CSMD1: variants seen among roughly 807,000 people sequenced by gnomAD.
CSMD1 encodes the protein CUB and Sushi multiple domains 1.
Under a neutral mutation model 417.5 loss-of-function variants are expected in CSMD1, and 213 were observed. The observed-to-expected ratio is 0.51, with a 90% CI of 0.46 to 0.57. CSMD1 has a LOEUF of 0.57. CSMD1 is among the 20% of genes least tolerant of loss of function. The pLI is 0.00. For missense variants in CSMD1, 6,923 were observed against 4,529.7 expected (o/e 1.53, Z -15.17); for synonymous variants, 2,862 against 1,736.8 (o/e 1.65, Z -16.11).
At position 3,157,748 on chromosome 8, in the gene CSMD1, T is replaced by G. The variant is rs1383802881; in HGVS notation, c.5914+149A>C. 14 of 633,500 alleles carry G rather than the reference T, an allele frequency of 2.2e-5. No individual in the cohort carries two copies. In the Middle Eastern group the frequency reaches 1.0e-3, roughly 47 times the overall value. 39.2% of individuals were successfully genotyped at this position (633,500 alleles called of 1,614,324 possible). A position where few individuals can be genotyped will look rare whatever the true frequency, so the allele number is the denominator to read the frequency against. On this transcript the variant is annotated intron_variant, in intron 39 of 69. Coordinates refer to ENST00000635120, the MANE Select transcript of CSMD1 (RefSeq NM_033225.6). ...GGAAGGTGCAGGTTAAACGCATCATTCTGCTCTACTGCATTATGTGCTATT... is the reference window on the plus strand; with the variant it reads ...GGAAGGTGCAGGTTAAACGCATCATGCTGCTCTACTGCATTATGTGCTATT...
chr8:4,161,065 G>C (rs115312794), intron 3 of CSMD1, among the ~76,000 whole-genome samples: 1 of 151,854 alleles, frequency 6.6e-6, no homozygotes, highest in East Asian at 1.9e-4. Flanking sequence ...TCCCAGATTT[G>C]CAGGAAATGT....
chr8:3,984,650 C>T (rs1369452521), intron 5 of CSMD1, among the ~76,000 whole-genome samples: 1 of 139,290 alleles, frequency 7.2e-6, no homozygotes, highest in Non-Finnish European at 1.5e-5. Context: ...AGGCTTGTTA[C>T]TTGTGTTTTA....
chr8:3,329,142 G>C (rs758814339), intron 23 of CSMD1, among the ~76,000 whole-genome samples: 6 of 152,140 alleles, frequency 3.9e-5, no homozygotes, highest in Admixed American at 6.5e-5. Flanking sequence ...ATATGTAATT[G>C]AAGGAGAGAG....
chr8:4,549,699 G>A (rs1417057033), intron 2 of CSMD1, among the ~76,000 whole-genome samples: 4 of 151,540 alleles, frequency 2.6e-5, no homozygotes, highest in African/African-American at 9.7e-5. Flanking sequence ...GACCAGCCTG[G>A]GCAACATGGC....
chr8:4,388,207 G>C (rs541264079), intron 3 of CSMD1, among the ~76,000 whole-genome samples: 1 of 151,878 alleles, frequency 6.6e-6, no homozygotes, highest in Non-Finnish European at 1.5e-5. Context: ...ATACGAAAAA[G>C]ATATTTGCAC....
intron 1 of CSMD1, among the ~76,000 whole-genome samples, chr8:4,960,722 C>A (rs1340465699): frequency 2.0e-5 from 3 of 152,010 alleles, no homozygotes; most frequent in Non-Finnish European, 4.4e-5. Context: ...CGGTAGTTTC[C>A]TAAAAATAAA....
chr8:3,977,695 CTCTT>C (rs1369640154), intron 5 of CSMD1, among the ~76,000 whole-genome samples: 2 of 152,164 alleles, frequency 1.3e-5, no homozygotes, highest in Admixed American at 6.5e-5. Flanking sequence ...CACCAACTTT[CTCTT>C]TCTGTCATAG....
At chr8:3,954,623 A>G (rs953987058) in intron 5 of CSMD1, among the ~76,000 whole-genome samples, 1 of 152,156 alleles carries the variant, frequency 6.6e-6, no homozygotes, top group African/African-American at 2.4e-5. Context: ...TGGCCTCCCA[A>G]AGTTTTGGGA....
chr8:4,531,615 G>A (rs753813752), intron 2 of CSMD1, among the ~76,000 whole-genome samples: 1 of 152,060 alleles, frequency 6.6e-6, no homozygotes, highest in African/African-American at 2.4e-5. Flanking sequence ...TTCTGCGCTC[G>A]TCAGGCCCTC....
chr8:3,811,990 C>T (rs1006396251), intron 5 of CSMD1, among the ~76,000 whole-genome samples: 1 of 151,922 alleles, frequency 6.6e-6, no homozygotes, highest in African/African-American at 2.4e-5. Context: ...GAGATGCTTA[C>T]AACCTAATTC....
chr8:3,349,939 ATAT>A lies in CSMD1; in HGVS notation c.3305-1781_3305-1779del, dbSNP rs1321831750. 7.2e-3 allele frequency among the ~76,000 whole-genome samples: 1,036 copies of A among 144,648 alleles called. 13 individuals are homozygous for A. Among genetic ancestry groups the A allele is most frequent in the Non-Finnish European group, 9.7e-3 (645 of 66,754 alleles). The allele number at this position is 144,648 out of a possible 152,430, so 94.9% of individuals were successfully genotyped here. A position where few individuals can be genotyped will look rare whatever the true frequency, so the allele number is the denominator to read the frequency against. ...TTATATATTATATTATATATAATAT[ATAT>A]TATATGTGTATGTGTGTTATAATAC... On this transcript the variant is annotated intron_variant, in intron 21 of 69. Transcript: ENST00000635120.
chr8:4,481,806 T>G (rs1196357245), intron 2 of CSMD1, among the ~76,000 whole-genome samples: 1 of 152,176 alleles, frequency 6.6e-6, no homozygotes, highest in African/African-American at 2.4e-5. Flanking sequence ...TGGGATTAAC[T>G]TGTTTAATTT....
chr8:4,848,527 G>A (rs1423573125), intron 1 of CSMD1, among the ~76,000 whole-genome samples: 2 of 151,946 alleles, frequency 1.3e-5, no homozygotes, highest in South Asian at 2.1e-4. Flanking sequence ...ATAAAATGAT[G>A]TATAGTACAT....
At chr8:4,670,711 C>A (rs771779904) in intron 1 of CSMD1, among the ~76,000 whole-genome samples, 1 of 152,028 alleles carries the variant, frequency 6.6e-6, no homozygotes, top group Admixed American at 6.6e-5. Flanking sequence ...TCTCTTAAGG[C>A]AGACCAGAAA....
intron 3 of CSMD1, among the ~76,000 whole-genome samples, chr8:4,068,482 T>C (rs1037750511): frequency 1.3e-5 from 2 of 152,190 alleles, no homozygotes; most frequent in South Asian, 2.1e-4. Context: ...CCATAACACA[T>C]AGCATCATTA....
intron 7 of CSMD1, among the ~76,000 whole-genome samples, chr8:3,619,257 G>A (rs1219812928): frequency 2.6e-5 from 4 of 152,084 alleles, no homozygotes; most frequent in African/African-American, 4.8e-5. Context: ...CCCCAAAAAC[G>A]TGAAAACACC....
intron 3 of CSMD1, among the ~76,000 whole-genome samples, chr8:4,393,459 T>C (rs1286613378): frequency 1.3e-5 from 2 of 152,200 alleles, no homozygotes; most frequent in African/African-American, 2.4e-5. Flanking sequence ...GAATATCACA[T>C]GCATGATTAT....
At chr8:3,019,565 G>T (rs1809180011) in intron 51 of CSMD1, among the ~76,000 whole-genome samples, 1 of 152,154 alleles carries the variant, frequency 6.6e-6, no homozygotes, top group South Asian at 2.1e-4. Context: ...CTGTAAGAAT[G>T]CTGACTACAC....
At chr8:4,663,931 C>G (rs975681651) in intron 1 of CSMD1, among the ~76,000 whole-genome samples, 1 of 152,172 alleles carries the variant, frequency 6.6e-6, no homozygotes, top group Admixed American at 6.5e-5. Context: ...GATGGCTCCA[C>G]TGGGATGGAA....
Sources: gnomAD v4.1 joint callset for allele counts (sites outside exome capture counted in the v4.1 genomes callset) on GRCh38, gnomAD v4.1.1 for gene constraint, MANE v1.5 for transcripts, NCBI Gene and HGNC (gene_info 2026-07-23, HGNC 2026-07-21) for gene names.